The following CCDC125 variants were observed in gnomAD, a reference collection of about 807,000 sequenced individuals.
CCDC125 encodes the protein coiled-coil domain-containing protein 125.
Under a neutral mutation model 57.4 loss-of-function variants are expected in CCDC125, and 43 were observed. The observed-to-expected ratio is 0.75, with a 90% CI of 0.59 to 0.97. The LOEUF (loss-of-function observed/expected upper bound fraction) is 0.97, where lower values mean the gene tolerates loss of function less well. CCDC125 is among the 50% of genes least tolerant of loss of function. The pLI is 0.00. For missense variants in CCDC125, 563 were observed against 595.7 expected (o/e 0.95, Z 0.57); for synonymous variants, 187 against 195.2 (o/e 0.96, Z 0.35).
In CCDC125 at chr5:69,281,783, A is replaced by ATTT. The variant is rs1381894606; in HGVS notation, c.*943_*945dup. ...ATTAAGATACATTGCTATATTGTTG[A>ATTT]TTTAGCCAAGCTAAGATCCCTATAG... On this transcript the variant is annotated 3_prime_UTR_variant, in exon 12 of 12. Transcript: ENST00000396496. 1 of 152,178 alleles carries ATTT rather than the reference A, an allele frequency of 6.6e-6. No homozygotes were observed. Among genetic ancestry groups the ATTT allele is most frequent in the East Asian group, 1.9e-4 (1 of 5,196 alleles). 9.4% of individuals were successfully genotyped at this position (152,178 alleles called of 1,614,324 possible). A position where few individuals can be genotyped will look rare whatever the true frequency, so the allele number is the denominator to read the frequency against.
intron 7 of CCDC125, among the ~76,000 whole-genome samples, chr5:69,301,051 G>C (rs1329294465): frequency 7.9e-6 from 1 of 126,878 alleles, no homozygotes; most frequent in South Asian, 2.8e-4. Flanking sequence ...GTGAGATTGC[G>C]CCATTGCACT....
In CCDC125 at chr5:69,282,855, AG is replaced by A; in HGVS notation, c.1409del (p.Pro470LeufsTer9). On this transcript the variant is annotated frameshift_variant, in exon 12 of 12. Transcript: ENST00000396496. LOFTEE classifies it low-confidence loss of function (END_TRUNC). The stretch of plus-strand genomic sequence containing the variant: ...TTAAAATGCAGACACTTGAATGTAT[AG>A]GATCACCCAAAACAGAGAATTCTGA... ...KTSEFSVLGD[P>X]IHSSVCILNS... is the part of the protein sequence containing the mutation. 2 of 1,614,140 alleles carry A rather than the reference AG, an allele frequency of 1.2e-6. No homozygotes were observed. The highest frequency in any genetic ancestry group is 2.2e-5 in the East Asian group (1 of 44,856).
chr5:69,289,628 G>A (rs955312164), intron 10 of CCDC125, among the ~76,000 whole-genome samples: 11 of 152,148 alleles, frequency 7.2e-5, no homozygotes, highest in Non-Finnish European at 1.3e-4. Flanking sequence ...TTGGGAGGCC[G>A]AGGAGGGAGG....
intron 8 of CCDC125, among the ~76,000 whole-genome samples, chr5:69,298,633 C>T (rs1182378251): frequency 6.6e-6 from 1 of 152,214 alleles, no homozygotes; most frequent in Non-Finnish European, 1.5e-5. Flanking sequence ...GGACCCCTGA[C>T]TCCCGGTGCT....
At chr5:69,305,450 T>C (rs922437603) in intron 6 of CCDC125, among the ~76,000 whole-genome samples, 7 of 152,140 alleles carry the variant, frequency 4.6e-5, no homozygotes, top group African/African-American at 1.4e-4. Context: ...TGGCCTCAAG[T>C]GATCCACCTG....
intron 8 of CCDC125, among the ~76,000 whole-genome samples, chr5:69,298,191 C>A (rs1402634592): frequency 6.6e-6 from 1 of 151,700 alleles, no homozygotes; most frequent in Non-Finnish European, 1.5e-5. Flanking sequence ...AATTTTTGTA[C>A]TTTTAATAGA....
chr5:69,297,347 A>ATATTTATTTATTTATT (rs376399179), intron 8 of CCDC125, among the ~76,000 whole-genome samples: 5 of 150,870 alleles, frequency 3.3e-5, no homozygotes, highest in African/African-American at 9.8e-5. Flanking sequence ...GGCCTGTGCC[A>ATATTTATTTATTTATT]TATTTATTTA....
At chr5:69,279,789 G>A (rs146495732), downstream of CCDC125, among the ~76,000 whole-genome samples, 7 of 152,282 alleles carry the variant, frequency 4.6e-5, no homozygotes, top group Middle Eastern at 3.4e-3. Flanking sequence ...TGTCTAACAC[G>A]TGAGGCAGGA....
chr5:69,297,488 T>C (rs915528358), intron 8 of CCDC125, among the ~76,000 whole-genome samples: 1 of 151,506 alleles, frequency 6.6e-6, no homozygotes, highest in South Asian at 2.1e-4. Flanking sequence ...GCCTCCCAAG[T>C]AGCTGGGATT....
chr5:69,289,993 G>A (rs1754138655), intron 10 of CCDC125, among the ~76,000 whole-genome samples: 1 of 151,750 alleles, frequency 6.6e-6, no homozygotes, highest in South Asian at 2.1e-4. Context: ...CTCAGAATAA[G>A]TGTTACAAAA....
intron 1 of CCDC125, among the ~76,000 whole-genome samples, chr5:69,328,725 C>T (rs1441629684): frequency 1.3e-5 from 2 of 151,944 alleles, no homozygotes; most frequent in Non-Finnish European, 2.9e-5. Flanking sequence ...AGAATATCTA[C>T]AGCTGATTCT....
chr5:69,299,670 C>T (rs1413612136), intron 8 of CCDC125, among the ~76,000 whole-genome samples: 1 of 152,152 alleles, frequency 6.6e-6, no homozygotes, highest in African/African-American at 2.4e-5. Context: ...CACAAGACTC[C>T]GATGAAGATC....
At chr5:69,286,225 T>TATATAAAA (rs1554071414) in intron 10 of CCDC125, among the ~76,000 whole-genome samples, 1 of 111,466 alleles carries the variant, frequency 9.0e-6, no homozygotes, top group African/African-American at 3.5e-5. Flanking sequence ...TATATATATA[T>TATATAAAA]ATATATATAA....
intron 7 of CCDC125, among the ~76,000 whole-genome samples, chr5:69,302,541 T>C (rs1325044024): frequency 6.7e-6 from 1 of 148,170 alleles, no homozygotes. Flanking sequence ...CTGGCCAACA[T>C]GGTGAAACCC....
At chr5:69,327,086 T>G (rs1275949050) in intron 1 of CCDC125, among the ~76,000 whole-genome samples, 2 of 133,518 alleles carry the variant, frequency 1.5e-5, no homozygotes, top group Non-Finnish European at 3.1e-5. Flanking sequence ...TGACTGTATA[T>G]TCTCCCACTT....
intron 1 of CCDC125, among the ~76,000 whole-genome samples, chr5:69,323,548 T>C (rs1489809422): frequency 2.6e-5 from 4 of 152,048 alleles, no homozygotes; most frequent in Admixed American, 2.6e-4. Flanking sequence ...TTTTCAACCC[T>C]GGTTGGTTGA....
intron 8 of CCDC125, among the ~76,000 whole-genome samples, chr5:69,297,377 G>A (rs1755535396): frequency 6.9e-6 from 1 of 145,760 alleles, no homozygotes; most frequent in African/African-American, 2.8e-5. Context: ...TTATTTTTCT[G>A]AGACAGAGTT....
At chr5:69,329,224 G>A (rs987330430) in intron 1 of CCDC125, among the ~76,000 whole-genome samples, 3 of 152,054 alleles carry the variant, frequency 2.0e-5, no homozygotes, top group Admixed American at 6.6e-5. Context: ...CCAGGCTGGA[G>A]TGCAGTGACA....
chr5:69,293,717 AG>A (rs748365907), intron 9 of CCDC125, among the ~76,000 whole-genome samples: 34 of 152,072 alleles, frequency 2.2e-4, no homozygotes, highest in Non-Finnish European at 4.7e-4. Context: ...TTCTATTTTA[AG>A]TTCTAGGATA....
Sources: gnomAD v4.1 joint callset for allele counts (sites outside exome capture counted in the v4.1 genomes callset) on GRCh38, gnomAD v4.1.1 for gene constraint, MANE v1.5 for transcripts, NCBI Gene and HGNC (gene_info 2026-07-23, HGNC 2026-07-21) for gene names.